Variants in FAM171B observed in about 807,000 individuals in gnomAD.
FAM171B encodes the protein family with sequence similarity 171 member B.
A neutral mutation model predicts 75.6 loss-of-function variants in FAM171B; 19 were observed. The observed-to-expected ratio is 0.25, with a 90% CI of 0.18 to 0.37. The LOEUF (loss-of-function observed/expected upper bound fraction) is 0.37, where lower values mean the gene tolerates loss of function less well. Ranked by LOEUF, FAM171B falls within the 10% of genes least tolerant of loss-of-function variation. FAM171B has a pLI of 1.00. For missense variants in FAM171B, 848 were observed against 982.4 expected, an observed-to-expected ratio of 0.86 and a Z score of 1.83; for synonymous variants, 367 against 361.7, an observed-to-expected ratio of 1.01 and a Z score of -0.17.
intron 2 of FAM171B, 127 bp from the exon 3 acceptor site, chr2:186,743,356 C>T (rs952857039): frequency 1.3e-5 from 8 of 604,688 alleles, no homozygotes; most frequent in African/African-American, 1.3e-4. Flanking sequence ...TTGAATTGCT[C>T]TTCCCATCAA....
chr2:186,720,420 T>G (rs1689935265), intron 1 of FAM171B, among the ~76,000 whole-genome samples: 2 of 152,168 alleles, frequency 1.3e-5, no homozygotes, highest in Admixed American at 1.3e-4. Flanking sequence ...TACATTTTGG[T>G]GAGTCACATA....
chr2:186,728,674 T>G (rs1690069647), intron 1 of FAM171B, among the ~76,000 whole-genome samples: 1 of 152,170 alleles, frequency 6.6e-6, no homozygotes, highest in African/African-American at 2.4e-5. Context: ...AGCAATGTAT[T>G]CCTATAGGAG....
At chr2:186,704,988 C>A (rs547842453) in intron 1 of FAM171B, among the ~76,000 whole-genome samples, 1 of 152,132 alleles carries the variant, frequency 6.6e-6, no homozygotes, top group Non-Finnish European at 1.5e-5. Context: ...CAGGCGAGCC[C>A]CAAAGTGGGG....
At chr2:186,744,419 GA>G (rs1690337438) in intron 3 of FAM171B, among the ~76,000 whole-genome samples, 1 of 151,996 alleles carries the variant, frequency 6.6e-6, no homozygotes, top group South Asian at 2.1e-4. Context: ...TATTATTTGG[GA>G]AAAAAATAAA....
intron 3 of FAM171B, among the ~76,000 whole-genome samples, chr2:186,743,910 C>G (rs1480360898): frequency 6.6e-6 from 1 of 152,166 alleles, no homozygotes; most frequent in Non-Finnish European, 1.5e-5. Context: ...ATTGCTCAGG[C>G]CTTTGGGGCT....
Position 186,739,145 on chromosome 2 carries a change from T to A in FAM171B, c.239-1083T>A, listed in dbSNP as rs538580145. 2.8e-3 allele frequency among the ~76,000 whole-genome samples: 429 copies of A among 152,246 alleles called. 1 individual carries two copies. Among genetic ancestry groups the A allele is most frequent in the African/African-American group, 9.9e-3 (410 of 41,552 alleles). On this transcript the variant is annotated intron_variant, in intron 1 of 7. Transcript: ENST00000304698. ...AAAGACCATACAAAAGATTTTTTTT[T>A]AAAATAGTACACTTGTAAAGGGCAC... is the stretch of plus-strand genomic sequence containing the variant.
At chr2:186,698,947 A>G (rs1011980965) in intron 1 of FAM171B, among the ~76,000 whole-genome samples, 4 of 152,178 alleles carry the variant, frequency 2.6e-5, no homozygotes, top group Admixed American at 2.0e-4. Flanking sequence ...TGTTGTTGCA[A>G]ATGAGAGGAT....
At chr2:186,704,471 A>T (rs11683898) in intron 1 of FAM171B, among the ~76,000 whole-genome samples, 1 of 151,942 alleles carries the variant, frequency 6.6e-6, no homozygotes, top group Non-Finnish European at 1.5e-5. Flanking sequence ...TTGCACTGGC[A>T]GTGTTTGAAA....
chr2:186,734,844 A>C (rs575079719), intron 1 of FAM171B, among the ~76,000 whole-genome samples: 157 of 152,304 alleles, frequency 1.0e-3, no homozygotes, highest in African/African-American at 3.3e-3. Context: ...CTGGCCTATC[A>C]TTGCTGCCCC....
chr2:186,745,881 C>A (rs1690358307), intron 3 of FAM171B, among the ~76,000 whole-genome samples: 1 of 152,200 alleles, frequency 6.6e-6, no homozygotes, highest in Non-Finnish European at 1.5e-5. Flanking sequence ...ATTGTATCCT[C>A]AACAACCAAA....
Position 186,762,460 on chromosome 2 carries a change from C to T in FAM171B, c.2118C>T (p.Asp706=). The T allele has an allele frequency of 6.2e-7, 1 of 1,613,606 alleles. No individual in the cohort carries two copies. Among genetic ancestry groups the T allele is most frequent in the Non-Finnish European group, 8.5e-7 (1 of 1,179,786 alleles). Residue 706 remains aspartate, a synonymous_variant, in exon 8 of 8, where the codon GAC becomes GAT. Transcript: ENST00000304698. The surrounding 1 kb of genome is among the most constrained non-coding windows in gnomAD (Gnocchi z 4.0). ...CCCAGAGCAATGACACCAGTCTGGA[C>T]TCTGGGGTGGACATGAATGAGCTTC... is the stretch of plus-strand genomic sequence containing the variant. The part of the protein sequence containing the change: ...KRTQSNDTSL[D]SGVDMNELHS...
intron 1 of FAM171B, among the ~76,000 whole-genome samples, chr2:186,730,547 G>T (rs1690100194): frequency 6.6e-6 from 1 of 152,146 alleles, no homozygotes; most frequent in Admixed American, 6.5e-5. Flanking sequence ...AGTCTACTAA[G>T]CACTTTAAGA....
intron 1 of FAM171B, among the ~76,000 whole-genome samples, chr2:186,704,366 G>A (rs1160634900): frequency 2.6e-5 from 4 of 151,802 alleles, no homozygotes; most frequent in Non-Finnish European, 2.9e-5. Flanking sequence ...TTCCCTTCCC[G>A]GGTTATACTA....
At chr2:186,738,288 C>A (rs536003600) in intron 1 of FAM171B, among the ~76,000 whole-genome samples, 2 of 152,138 alleles carry the variant, frequency 1.3e-5, no homozygotes, top group African/African-American at 4.8e-5. Context: ...GTTCCAGGTT[C>A]TTGTCCCATG....
chr2:186,740,551 C>A, intron 2 of FAM171B, 90 bp downstream of exon 2: 1 of 1,148,320 alleles, frequency 8.7e-7, no homozygotes, highest in South Asian at 1.6e-5. Flanking sequence ...TTCTGGTAAG[C>A]TGAAAATGAA....
intron 6 of FAM171B, among the ~76,000 whole-genome samples, chr2:186,754,762 T>C (rs891090892): frequency 1.3e-5 from 2 of 152,196 alleles, no homozygotes; most frequent in Non-Finnish European, 2.9e-5. Context: ...ACAGGCTGTA[T>C]GCAACCTAAG....
rs1690661179 is a variant in FAM171B at position 186,763,890 on chromosome 2, G to C, written c.*1067G>C. 1 of 152,032 alleles carries C rather than the reference G, an allele frequency of 6.6e-6. No individual in the cohort carries two copies. Among genetic ancestry groups the C allele is most frequent in the Non-Finnish European group, 1.5e-5 (1 of 67,946 alleles). 9.4% of individuals were successfully genotyped at this position (152,032 alleles called of 1,614,324 possible). A position where few individuals can be genotyped will look rare whatever the true frequency, so the allele number is the denominator to read the frequency against. ...CAGGATAGTTGTATATCCAGTTATT[G>C]ATTTTCTTAAAAGATGTGTAAGGAA... On this transcript the variant is annotated 3_prime_UTR_variant, in exon 8 of 8. Transcript: ENST00000304698.
chr2:186,745,184 G>A (rs1352396253), intron 3 of FAM171B, among the ~76,000 whole-genome samples: 1 of 152,196 alleles, frequency 6.6e-6, no homozygotes, highest in African/African-American at 2.4e-5. Flanking sequence ...AGCTGTGTGT[G>A]AAAGAATGGA....
chr2:186,729,741 G>A (rs1354369457), intron 1 of FAM171B, among the ~76,000 whole-genome samples: 1 of 152,092 alleles, frequency 6.6e-6, no homozygotes, highest in Non-Finnish European at 1.5e-5. Flanking sequence ...CCAAGTTTGA[G>A]GATGGGGAGA....
Sources: allele counts gnomAD v4.1 joint callset (sites outside exome capture counted in the v4.1 genomes callset), GRCh38; gene constraint gnomAD v4.1.1; non-coding constraint Gnocchi (gnomAD v3.1); transcripts MANE v1.5; gene names NCBI Gene and HGNC (gene_info 2026-07-23, HGNC 2026-07-21).